The following DIAPH2 variants were observed in gnomAD, a reference collection of about 807,000 sequenced individuals.
DIAPH2 encodes protein diaphanous homolog 2.
Under a neutral mutation model 92.7 loss-of-function variants are expected in DIAPH2, and 35 were observed. The observed-to-expected ratio is 0.38, with a 90% CI of 0.29 to 0.50. DIAPH2 has a LOEUF of 0.50. Ranked by LOEUF, DIAPH2 falls within the 20% of genes least tolerant of loss-of-function variation. The pLI, the probability that DIAPH2 is intolerant of heterozygous loss-of-function variation, is 0.94. For missense variants in DIAPH2, 701 were observed against 819.5 expected (o/e 0.86, Z 1.77); for synonymous variants, 301 against 280.4 (o/e 1.07, Z -0.73).
In DIAPH2 at chrX:97,035,238, T is replaced by C. The variant is rs186859587; in HGVS notation, c.2051-37703T>C. Among the ~76,000 whole-genome samples, 62 of 111,786 alleles carry C rather than the reference T, an allele frequency of 5.5e-4. 1 individual carries two copies. Among genetic ancestry groups the C allele is most frequent in the East Asian group, 3.4e-3 (12 of 3,568 alleles). On this transcript the variant is annotated intron_variant, in intron 17 of 26. Transcript: ENST00000324765. ...GGGGCTAATTAGCATGAAATATGAA[T>C]ACATTCATATAAGTAGTCTTGATCT...
intron 23 of DIAPH2, among the ~76,000 whole-genome samples, chrX:97,343,508 A>C (rs192299818): frequency 9.2e-4 from 102 of 110,970 alleles, no homozygotes; most frequent in African/African-American, 3.3e-3. Context: ...ATCTCTACTA[A>C]AAATACAAAA....
intron 26 of DIAPH2, among the ~76,000 whole-genome samples, chrX:97,492,891 T>C (rs2070733829): frequency 8.9e-6 from 1 of 112,457 alleles, no homozygotes; most frequent in African/African-American, 3.2e-5. Context: ...TTGTCTAATT[T>C]GGCATTCTTT....
intron 21 of DIAPH2, among the ~76,000 whole-genome samples, chrX:97,136,660 T>C (rs1196177345): frequency 2.7e-5 from 3 of 111,465 alleles, no homozygotes; most frequent in African/African-American, 9.8e-5. Context: ...ACACTTCTGT[T>C]TAAAATTTGA....
chrX:96,901,243 G>A (rs1169421935), intron 5 of DIAPH2, among the ~76,000 whole-genome samples: 4 of 109,868 alleles, frequency 3.6e-5, no homozygotes, highest in African/African-American at 9.9e-5. Flanking sequence ...TCTAGTTTTC[G>A]TGTGTAAAGG....
rs756314232 is a variant in DIAPH2, at chrX:97,493,411, G to A, written c.3241+63666G>A. On this transcript the variant is annotated intron_variant, in intron 26 of 26. Transcript: ENST00000324765. ...TGAGTAGCTGGGATTACAGGCATGC[G>A]CCACCATGCCTGGCTAATTTTTTAT... is the stretch of plus-strand genomic sequence containing the variant. 4.0e-3 allele frequency among the ~76,000 whole-genome samples: 439 copies of A among 110,379 alleles called. 5 individuals carry two copies. Among genetic ancestry groups the A allele is most frequent in the African/African-American group, 0.013 (401 of 30,475 alleles).
intron 17 of DIAPH2, among the ~76,000 whole-genome samples, chrX:97,068,423 C>A (rs774710090): frequency 3.6e-5 from 4 of 111,710 alleles, no homozygotes; most frequent in African/African-American, 1.3e-4. Context: ...TTAATACTCT[C>A]ATCTGTTGTG....
At chrX:97,478,943 G>GT (rs897819255) in intron 26 of DIAPH2, among the ~76,000 whole-genome samples, 43 of 109,423 alleles carry the variant, frequency 3.9e-4, no homozygotes, top group Admixed American at 2.6e-3. Context: ...GTAGTTTTTT[G>GT]TTTTTTTTGT....
intron 17 of DIAPH2, among the ~76,000 whole-genome samples, chrX:97,069,332 T>C (rs183910353): frequency 1.7e-4 from 19 of 111,384 alleles, no homozygotes; most frequent in African/African-American, 5.5e-4. Flanking sequence ...AATGTGATGC[T>C]GATTCAAAGG....
intron 23 of DIAPH2, among the ~76,000 whole-genome samples, chrX:97,297,603 A>ATTTTT (rs1569354838): frequency 2.8e-5 from 2 of 72,136 alleles, no homozygotes; most frequent in Non-Finnish European, 2.6e-5. Flanking sequence ...TTTTTAGTGC[A>ATTTTT]CTTTTTTTTT....
chrX:97,250,372 A>G (rs2068178829), intron 23 of DIAPH2, among the ~76,000 whole-genome samples: 1 of 112,055 alleles, frequency 8.9e-6, no homozygotes, highest in Non-Finnish European at 1.9e-5. Flanking sequence ...AACAGCAACA[A>G]TGCTGTAGTT....
chrX:96,707,399 G>C (rs1294243689), intron 1 of DIAPH2, among the ~76,000 whole-genome samples: 1 of 109,765 alleles, frequency 9.1e-6, no homozygotes, highest in Non-Finnish European at 1.9e-5. Context: ...TTGAACTCCT[G>C]GTCTCAGGTG....
At chrX:96,770,656 TATG>T (rs2064332921) in intron 4 of DIAPH2, among the ~76,000 whole-genome samples, 1 of 111,572 alleles carries the variant, frequency 9.0e-6, no homozygotes, top group South Asian at 3.7e-4. Context: ...TATTTAGTTT[TATG>T]GTGGTGATAA....
chrX:97,312,625 G>A (rs940482006), intron 23 of DIAPH2, among the ~76,000 whole-genome samples: 25 of 110,993 alleles, frequency 2.3e-4, no homozygotes, highest in African/African-American at 8.2e-4. Context: ...CTGGGATTAC[G>A]GGCATCGGCC....
intron 17 of DIAPH2, among the ~76,000 whole-genome samples, chrX:96,995,445 G>A (rs763743552): frequency 8.9e-6 from 1 of 112,136 alleles, no homozygotes; most frequent in African/African-American, 3.2e-5. Flanking sequence ...CAAAGCATAT[G>A]ATCTGGAACT....
intron 22 of DIAPH2, among the ~76,000 whole-genome samples, chrX:97,230,660 T>C (rs1384474527): frequency 8.9e-6 from 1 of 112,059 alleles, no homozygotes; most frequent in African/African-American, 3.2e-5. Flanking sequence ...GTTCTAGAGA[T>C]TCTCAGCCTC....
intron 22 of DIAPH2, among the ~76,000 whole-genome samples, chrX:97,222,172 A>AGATGATGATGATGATGAT (rs56742311): frequency 1.9e-5 from 2 of 104,051 alleles, no homozygotes; most frequent in African/African-American, 7.4e-5. Context: ...GGGAGGGTCT[A>AGATGATGATGATGATGAT]GATGATGATG....
At chrX:97,249,069 T>C (rs1420396860) in intron 23 of DIAPH2, among the ~76,000 whole-genome samples, 1 of 110,903 alleles carries the variant, frequency 9.0e-6, no homozygotes, top group Non-Finnish European at 1.9e-5. Context: ...TTACATTTTT[T>C]TTTTTTTTCA....
intron 21 of DIAPH2, among the ~76,000 whole-genome samples, chrX:97,135,300 G>A (rs997783373): frequency 9.0e-6 from 1 of 111,291 alleles, no homozygotes; most frequent in African/African-American, 3.3e-5. Context: ...CTGGGTTCAA[G>A]CAATTCTCCT....
chrX:97,205,401 A>G (rs1398831524), intron 22 of DIAPH2, among the ~76,000 whole-genome samples: 3 of 111,775 alleles, frequency 2.7e-5, no homozygotes, highest in South Asian at 7.5e-4. Flanking sequence ...TACAGAATGG[A>G]AGAATATTTT....
Sources: gnomAD v4.1 joint callset for allele counts (sites outside exome capture counted in the v4.1 genomes callset) on GRCh38, gnomAD v4.1.1 for gene constraint, MANE v1.5 for transcripts, NCBI Gene and HGNC (gene_info 2026-07-23, HGNC 2026-07-21) for gene names.